OXR1: variants seen among roughly 807,000 people sequenced by gnomAD.
The protein encoded by OXR1 is oxidation resistance protein 1.
OXR1 carries 41 observed loss-of-function variants against 104.6 expected under a neutral mutation model. That is an observed-to-expected ratio of 0.39 (90% CI 0.31 to 0.51). The LOEUF is 0.51. OXR1 is among the 20% of genes least tolerant of loss of function. The pLI is 0.77. For missense variants in OXR1, 955 were observed against 1,031.9 expected, an observed-to-expected ratio of 0.93 and a Z score of 1.02; for synonymous variants, 348 against 348.4, an observed-to-expected ratio of 1.00 and a Z score of 0.01.
chr8:106,573,579 A>T (rs988767539), intron 3 of OXR1, among the ~76,000 whole-genome samples: 4 of 152,196 alleles, frequency 2.6e-5, no homozygotes, highest in Non-Finnish European at 5.9e-5. Context: ...TCTAGACTAG[A>T]TTGCTAATAT....
At chr8:106,514,867 C>G (rs1317404610) in intron 2 of OXR1, among the ~76,000 whole-genome samples, 1 of 151,994 alleles carries the variant, frequency 6.6e-6, no homozygotes, top group Non-Finnish European at 1.5e-5. Context: ...TTGCTGAGAA[C>G]AAAAGAGCAG....
At chr8:106,622,365 G>A (rs1821775654) in intron 3 of OXR1, among the ~76,000 whole-genome samples, 1 of 151,950 alleles carries the variant, frequency 6.6e-6, no homozygotes, top group Non-Finnish European at 1.5e-5. Context: ...GGAGGAATGT[G>A]GTTCAAACAT....
In OXR1 at chr8:106,440,341, C is replaced by T. The variant is rs567503951; in HGVS notation, c.24-78602C>T. 9.9e-5 allele frequency among the ~76,000 whole-genome samples: 15 copies of T among 152,194 alleles called. No individual in the cohort carries two copies. The South Asian group carries it at 3.1e-3, about 32-fold the overall frequency. On this transcript the variant is annotated intron_variant, in intron 2 of 16. Coordinates refer to ENST00000517566, the MANE Select transcript of OXR1 (RefSeq NM_001198533.2). ...ACGACTGCACAATTTGTCCTCAATC[C>T]TCATGTCACAGGACAATCGGCTCAA...
At chr8:106,602,675 G>GTATA (rs1820062096) in intron 3 of OXR1, among the ~76,000 whole-genome samples, 1 of 152,024 alleles carries the variant, frequency 6.6e-6, no homozygotes, top group Admixed American at 6.6e-5. Context: ...ATATGTATGT[G>GTATA]TATATATACA....
At chr8:106,625,718 A>G (rs375484958) in intron 3 of OXR1, among the ~76,000 whole-genome samples, 7 of 152,324 alleles carry the variant, frequency 4.6e-5, no homozygotes, top group African/African-American at 1.2e-4. Flanking sequence ...TCGCTTAGCC[A>G]TCTTAGTCAC....
intron 11 of OXR1, among the ~76,000 whole-genome samples, chr8:106,736,901 T>C (rs1475829310): frequency 6.6e-6 from 1 of 152,176 alleles, no homozygotes. Flanking sequence ...GAAGCAGACA[T>C]ACTTAGAAGG....
At position 106,404,449 on chromosome 8, in the gene OXR1, G is replaced by A. The variant is rs562012343; in HGVS notation, c.23+44813G>A. Among the ~76,000 whole-genome samples the A allele has an allele frequency of 6.6e-5, 10 of 152,278 alleles. No individual in the cohort carries two copies. In the East Asian group the frequency reaches 1.9e-3, roughly 29 times the overall value. ...TTCAACTTGTGTTATAATTCAGCCA[G>A]CTGCAAGATGAGATTCTGCATTTGA... On this transcript the variant is annotated intron_variant, in intron 2 of 16. Transcript: ENST00000517566.
At chr8:106,367,223 G>A (rs772934482) in intron 2 of OXR1, among the ~76,000 whole-genome samples, 1 of 151,658 alleles carries the variant, frequency 6.6e-6, no homozygotes, top group Non-Finnish European at 1.5e-5. Context: ...CACCATGCCC[G>A]GCTAATTTTT....
intron 9 of OXR1, among the ~76,000 whole-genome samples, chr8:106,708,060 C>G (rs1831319076): frequency 6.6e-6 from 1 of 152,004 alleles, no homozygotes; most frequent in Non-Finnish European, 1.5e-5. Flanking sequence ...ATTTCCAGAG[C>G]TTTTTTCATC....
intron 3 of OXR1, among the ~76,000 whole-genome samples, chr8:106,557,591 A>G (rs1180159869): frequency 6.6e-6 from 1 of 152,092 alleles, no homozygotes; most frequent in Non-Finnish European, 1.5e-5. Flanking sequence ...CTGCAAGGCA[A>G]CTCAATTTTT....
intron 11 of OXR1, among the ~76,000 whole-genome samples, chr8:106,733,824 T>A (rs1447510713): frequency 1.9e-3 from 97 of 51,142 alleles, no homozygotes; most frequent in African/African-American, 0.01. Context: ...AGACTCCGTC[T>A]CAAAAAAAAA....
At chr8:106,704,393 C>CTTTTTTTTTTTTTTTTTTTTT (rs71307084) in intron 8 of OXR1, among the ~76,000 whole-genome samples, 11 of 47,890 alleles carry the variant, frequency 2.3e-4, no homozygotes, top group Non-Finnish European at 3.1e-4. Context: ...CTTTCTTCTT[C>CTTTTTTTTTTTTTTTTTTTTT]TTTTTTTTTT....
At chr8:106,381,448 A>G (rs1290101663) in intron 2 of OXR1, among the ~76,000 whole-genome samples, 1 of 152,036 alleles carries the variant, frequency 6.6e-6, no homozygotes, top group Admixed American at 6.6e-5. Context: ...GTGGGGAGGG[A>G]CCAATCAATT....
At chr8:106,419,286 T>C (rs1035075131) in intron 2 of OXR1, among the ~76,000 whole-genome samples, 1 of 152,160 alleles carries the variant, frequency 6.6e-6, no homozygotes, top group Non-Finnish European at 1.5e-5. Flanking sequence ...CCTAACATTC[T>C]GGTGAGGCAG....
chr8:106,733,064 C>G (rs889639319), intron 11 of OXR1, among the ~76,000 whole-genome samples: 1 of 151,990 alleles, frequency 6.6e-6, no homozygotes, highest in Non-Finnish European at 1.5e-5. Context: ...ACATATCTTT[C>G]TTTCTTTTTT....
intron 2 of OXR1, among the ~76,000 whole-genome samples, chr8:106,444,738 A>G (rs1819943048): frequency 6.6e-6 from 1 of 152,122 alleles, no homozygotes; most frequent in African/African-American, 2.4e-5. Context: ...TAGGTGCAGC[A>G]AACCACCATG....
At chr8:106,364,009 A>G (rs1342954907) in intron 2 of OXR1, among the ~76,000 whole-genome samples, 1 of 152,100 alleles carries the variant, frequency 6.6e-6, no homozygotes, top group Non-Finnish European at 1.5e-5. Flanking sequence ...TTCCTCATAA[A>G]CATCAAGTAA....
chr8:106,328,018 G>A (rs529711115), intron 1 of OXR1, among the ~76,000 whole-genome samples: 1 of 152,290 alleles, frequency 6.6e-6, no homozygotes, highest in South Asian at 2.1e-4. Context: ...CCAACCCAGT[G>A]GCTTTAGGTA....
At chr8:106,334,612 T>G (rs758592725) in intron 1 of OXR1, among the ~76,000 whole-genome samples, 3 of 152,288 alleles carry the variant, frequency 2.0e-5, no homozygotes, top group Non-Finnish European at 4.4e-5. Context: ...TGTTATAAAT[T>G]TAGATGTTGA....
Sources: gnomAD v4.1 joint callset for allele counts (sites outside exome capture counted in the v4.1 genomes callset) on GRCh38, gnomAD v4.1.1 for gene constraint, MANE v1.5 for transcripts, NCBI Gene and HGNC (gene_info 2026-07-23, HGNC 2026-07-21) for gene names.